MIER1: variants seen among roughly 807,000 people sequenced by gnomAD.
MIER1 encodes the protein mesoderm induction early response protein 1.
Under a neutral mutation model 75.7 loss-of-function variants are expected in MIER1, and 40 were observed. The observed-to-expected ratio is 0.53, with a 90% CI of 0.41 to 0.69. MIER1 has a LOEUF of 0.69. Ranked by LOEUF, MIER1 falls within the 30% of genes least tolerant of loss-of-function variation. The probability of loss-of-function intolerance (pLI) is 0.00; values close to 1 mark genes in which losing one functional copy is unlikely to be tolerated. For synonymous variants in MIER1, 213 were observed against 223.4 expected (o/e 0.95, Z 0.42); for missense variants, 574 against 680.2 (o/e 0.84, Z 1.74).
At chr1:66,967,250 A>G (rs1293106788) in intron 8 of MIER1, among the ~76,000 whole-genome samples, 1 of 152,244 alleles carries the variant, frequency 6.6e-6, no homozygotes, top group South Asian at 2.1e-4. Flanking sequence ...AGCACCATTT[A>G]TTGAAGAGAC....
Position 66,986,222 on chromosome 1 carries a change from A to G in MIER1, c.*1322A>G. On this transcript the variant is annotated 3_prime_UTR_variant, in exon 14 of 14. Transcript: ENST00000401041. The stretch of plus-strand genomic sequence containing the variant: ...TGCTTTTCCAAAGTGAAAATAAGAT[A>G]CACAATAATCATTGCTCTGTGTGAT... 2 of 1,272,582 alleles carry G rather than the reference A, an allele frequency of 1.6e-6. No individual in the cohort carries two copies. The highest frequency in any genetic ancestry group is 2.0e-6 in the Non-Finnish European group (2 of 1,010,826). 78.8% of individuals were successfully genotyped at this position (1,272,582 alleles called of 1,614,324 possible).
intron 4 of MIER1, among the ~76,000 whole-genome samples, chr1:66,951,933 C>G (rs562486947): frequency 3.3e-4 from 50 of 152,184 alleles, no homozygotes; most frequent in Non-Finnish European, 6.6e-4. Context: ...TGCCTGGGTT[C>G]GTAATCCAGT....
intron 11 of MIER1, among the ~76,000 whole-genome samples, chr1:66,973,667 A>G (rs1341384609): frequency 6.6e-6 from 1 of 152,098 alleles, no homozygotes; most frequent in Non-Finnish European, 1.5e-5. Context: ...TAGTAACCAT[A>G]TAATTATATA....
At chr1:66,965,733 T>G (rs1223137541) in intron 8 of MIER1, among the ~76,000 whole-genome samples, 1 of 152,236 alleles carries the variant, frequency 6.6e-6, no homozygotes, top group African/African-American at 2.4e-5. Flanking sequence ...CACCCTGTTG[T>G]GCTGTCAACT....
At chr1:66,928,893 A>C (rs757071135) in intron 2 of MIER1, 3 of 1,599,462 alleles carry the variant, frequency 1.9e-6, no homozygotes, top group Non-Finnish European at 2.6e-6. Flanking sequence ...TCAGTAGAAA[A>C]TGTGCATCAG....
At chr1:66,977,802 T>TA (rs1183013678) in intron 12 of MIER1, among the ~76,000 whole-genome samples, 3 of 151,812 alleles carry the variant, frequency 2.0e-5, no homozygotes, top group African/African-American at 4.8e-5. Context: ...GTTTACAGAA[T>TA]AAAAAAATAA....
At chr1:66,978,440 T>C (rs1221405264) in intron 12 of MIER1, among the ~76,000 whole-genome samples, 1 of 152,114 alleles carries the variant, frequency 6.6e-6, no homozygotes, top group Non-Finnish European at 1.5e-5. Context: ...TCAAAGCTGG[T>C]GATTGCTAAA....
intron 2 of MIER1, among the ~76,000 whole-genome samples, chr1:66,928,489 C>G (rs1236551555): frequency 6.6e-6 from 1 of 152,108 alleles, no homozygotes. Context: ...ATGGAAAACC[C>G]TCCTTCATCT....
chr1:66,927,487 T>G (rs988997196), intron 2 of MIER1, among the ~76,000 whole-genome samples: 1 of 152,178 alleles, frequency 6.6e-6, no homozygotes, highest in Admixed American at 6.5e-5. Context: ...CATTTTCTTA[T>G]GCCTTTAGCT....
Position 66,985,753 on chromosome 1 carries a change from G to A in MIER1, c.*853G>A, listed in dbSNP as rs1033685203. On this transcript the variant is annotated 3_prime_UTR_variant, in exon 14 of 14. Transcript: ENST00000401041. ...TTTTCTAATGAATTTTTAAGTGTTT[G>A]TGTAGTAATTAAGTCATATTTCTTA... 22 of 967,510 alleles carry A rather than the reference G, an allele frequency of 2.3e-5. No individual in the cohort carries two copies. Among genetic ancestry groups the A allele is most frequent in the Non-Finnish European group, 2.3e-5 (19 of 816,252 alleles). 59.9% of individuals were successfully genotyped at this position (967,510 alleles called of 1,614,324 possible).
At chr1:66,977,131 TGTA>T (rs1008765962) in intron 12 of MIER1, among the ~76,000 whole-genome samples, 5 of 151,620 alleles carry the variant, frequency 3.3e-5, no homozygotes, top group African/African-American at 1.2e-4. Context: ...TTTTTTGAGA[TGTA>T]GTCTCAAATC....
At chr1:66,966,204 G>C (rs893812748) in intron 8 of MIER1, among the ~76,000 whole-genome samples, 1 of 152,056 alleles carries the variant, frequency 6.6e-6, no homozygotes, top group African/African-American at 2.4e-5. Flanking sequence ...CCCCACGACA[G>C]GCCCCGGTGT....
intron 10 of MIER1, 124 bp from the exon 11 acceptor site, chr1:66,972,773 A>G: frequency 1.7e-6 from 1 of 577,906 alleles, no homozygotes; most frequent in Non-Finnish European, 3.1e-6. Context: ...ACAATTAGTA[A>G]TAGAGCTCAG....
At chr1:66,963,779 G>A (rs929959828) in intron 8 of MIER1, among the ~76,000 whole-genome samples, 6 of 151,860 alleles carry the variant, frequency 4.0e-5, no homozygotes, top group African/African-American at 7.3e-5. Flanking sequence ...GTCGTGGCGC[G>A]CACCTGTAAT....
chr1:66,946,914 A>T lies in MIER1; in HGVS notation c.339+619A>T, dbSNP rs989101703. 13 of 985,052 alleles carry T rather than the reference A, an allele frequency of 1.3e-5. No homozygotes were observed. The Admixed American group carries it at 2.5e-4, about 19-fold the overall frequency. The allele number at this position is 985,052 out of a possible 1,614,324, so 61.0% of individuals were successfully genotyped here. On this transcript the variant is annotated intron_variant, in intron 4 of 13. Coordinates refer to ENST00000401041, the MANE Select transcript of MIER1 (RefSeq NM_001077700.3). The stretch of plus-strand genomic sequence containing the variant: ...TTTCTTTATCTTTTTGTTTCTATTC[A>T]GTATCTTTTGCAGACTCTTCTTCCG...
At chr1:66,959,224 T>C (rs1660754571) in intron 6 of MIER1, among the ~76,000 whole-genome samples, 1 of 152,148 alleles carries the variant, frequency 6.6e-6, no homozygotes. Flanking sequence ...CTTTGCCCTG[T>C]TTTTAAATGT....
Position 66,969,140 on chromosome 1 carries a change from T to C in MIER1, c.773-1668T>C, listed in dbSNP as rs114015184. On this transcript the variant is annotated intron_variant, in intron 8 of 13. Transcript: ENST00000401041. The stretch of plus-strand genomic sequence containing the variant: ...ATGATGTTTATTAAGGAAGATTTTC[T>C]AAATATTTTCCTTTGGGCTGTACTT... Among the ~76,000 whole-genome samples the C allele has an allele frequency of 5.8e-3, 880 of 152,334 alleles. 6 individuals carry two copies. The highest frequency in any genetic ancestry group is 0.02 in the African/African-American group (816 of 41,570).
At position 66,985,200 on chromosome 1, in the gene MIER1, A is replaced by G; in HGVS notation, c.*300A>G. On this transcript the variant is annotated 3_prime_UTR_variant, in exon 14 of 14. Transcript: ENST00000401041. ...AGATTTACTAATTTTGGTAAATCTGAATGAACTAAAGATGTATCTGTACCT... is the reference window on the plus strand; with the variant it reads ...AGATTTACTAATTTTGGTAAATCTGGATGAACTAAAGATGTATCTGTACCT... 1 of 978,392 alleles carries G rather than the reference A, an allele frequency of 1.0e-6. No homozygotes were observed. The highest frequency in any genetic ancestry group is 9.1e-5 in the East Asian group (1 of 11,014). The allele number at this position is 978,392 out of a possible 1,614,324, so 60.6% of individuals were successfully genotyped here. A position where few individuals can be genotyped will look rare whatever the true frequency, so the allele number is the denominator to read the frequency against.
intron 3 of MIER1, among the ~76,000 whole-genome samples, chr1:66,942,419 G>T (rs983177618): frequency 6.6e-6 from 1 of 152,156 alleles, no homozygotes; most frequent in Non-Finnish European, 1.5e-5. Context: ...TTTAAAAAGT[G>T]ATTAAATGAG....
Sources: gnomAD v4.1 joint callset for allele counts (sites outside exome capture counted in the v4.1 genomes callset) on GRCh38, gnomAD v4.1.1 for gene constraint, MANE v1.5 for transcripts, NCBI Gene and HGNC (gene_info 2026-07-23, HGNC 2026-07-21) for gene names.